Variants in SEMA6D observed in about 807,000 individuals in gnomAD.
The protein encoded by SEMA6D is semaphorin 6D.
In SEMA6D, 35 loss-of-function variants were observed where a neutral mutation model predicts 106.6. The ratio of observed to expected loss-of-function variants is 0.33; its 90% CI spans 0.25 to 0.44. The LOEUF (loss-of-function observed/expected upper bound fraction) is 0.44, where lower values mean the gene tolerates loss of function less well. Among genes scored for constraint, SEMA6D ranks in the 20% least tolerant of loss-of-function variants. SEMA6D has a pLI of 1.00. For missense variants in SEMA6D, 1,185 were observed against 1,345.9 expected (o/e 0.88, Z 1.87); for synonymous variants, 499 against 487.7 (o/e 1.02, Z -0.31).
At chr15:47,537,140 A>G (rs575415118) in intron 3 of SEMA6D, among the ~76,000 whole-genome samples, 2 of 152,348 alleles carry the variant, frequency 1.3e-5, no homozygotes, top group African/African-American at 4.8e-5. Flanking sequence ...TGGAAAAATC[A>G]CAATAAATAA....
intron 1 of SEMA6D, among the ~76,000 whole-genome samples, chr15:47,275,760 A>G (rs575266944): frequency 6.6e-6 from 1 of 152,250 alleles, no homozygotes; most frequent in South Asian, 2.1e-4. Context: ...TATTCAAGTG[A>G]TAGGAAAAGT....
intron 4 of SEMA6D, among the ~76,000 whole-genome samples, chr15:47,667,639 C>T (rs756826444): frequency 6.6e-6 from 1 of 152,116 alleles, no homozygotes; most frequent in East Asian, 1.9e-4. Context: ...ACTTGATGTC[C>T]GGTGAGAGTG....
chr15:47,194,995 CCTA>C (rs1377141869), intron 1 of SEMA6D, among the ~76,000 whole-genome samples: 1 of 152,112 alleles, frequency 6.6e-6, no homozygotes, highest in African/African-American at 2.4e-5. Flanking sequence ...GCATTACCTG[CCTA>C]CTAAGTTTTC....
chr15:47,466,252 G>A (rs1298940783), intron 2 of SEMA6D, among the ~76,000 whole-genome samples: 1 of 152,112 alleles, frequency 6.6e-6, no homozygotes, highest in Non-Finnish European at 1.5e-5. Context: ...TATATTGGAT[G>A]TTCAGAACTT....
At position 47,562,192 on chromosome 15, in the gene SEMA6D, A is replaced by G. The variant is rs77353807; in HGVS notation, c.-86-38673A>G. 6.1e-3 allele frequency among the ~76,000 whole-genome samples: 930 copies of G among 152,196 alleles called. 10 individuals are homozygous for G. Among genetic ancestry groups the G allele is most frequent in the African/African-American group, 0.021 (894 of 41,582 alleles). On this transcript the variant is annotated intron_variant, in intron 3 of 19. Coordinates refer to the SEMA6D transcript ENST00000558014. The stretch of plus-strand genomic sequence containing the variant: ...CAGCAGCACAAAAGTAATTTAACAG[A>G]GAAGGCATAGTCTTTTCAACAAGTA...
At chr15:47,691,351 G>T (rs2078582455) in intron 4 of SEMA6D, among the ~76,000 whole-genome samples, 1 of 151,918 alleles carries the variant, frequency 6.6e-6, no homozygotes, top group African/African-American at 2.4e-5. Flanking sequence ...TTTCTCCTTT[G>T]GATCTACATT....
At chr15:47,590,641 A>G (rs567003951) in intron 3 of SEMA6D, among the ~76,000 whole-genome samples, 7 of 150,170 alleles carry the variant, frequency 4.7e-5, no homozygotes, top group African/African-American at 1.7e-4. Context: ...TGTAAATACC[A>G]TATGACTGGC....
intron 3 of SEMA6D, among the ~76,000 whole-genome samples, chr15:47,520,365 A>T (rs2044533057): frequency 6.6e-6 from 1 of 152,236 alleles, no homozygotes; most frequent in African/African-American, 2.4e-5. Flanking sequence ...AGGAATAGGA[A>T]TCAGGTCCCC....
intron 2 of SEMA6D, among the ~76,000 whole-genome samples, chr15:47,455,806 C>T (rs1351104234): frequency 6.6e-6 from 1 of 151,930 alleles, no homozygotes; most frequent in Admixed American, 6.6e-5. Context: ...TTCAGGAATG[C>T]TTACTTGCCC....
In SEMA6D at chr15:47,762,267, G is replaced by A. The variant is rs1209689244; in HGVS notation, c.606G>A (p.Met202Ile). 3 of 1,613,582 alleles carry A rather than the reference G, an allele frequency of 1.9e-6. No individual in the cohort carries two copies. Among genetic ancestry groups the A allele is most frequent in the Non-Finnish European group, 2.5e-6 (3 of 1,179,662 alleles). ...LASDAVIYRS[M>I]GDGSALRTIK... is the part of the protein sequence containing the mutation. ...GCGATGCCGTTATTTATCGAAGCATGGGTGATGGATCTGCCCTTCGCACAA... is the reference window on the plus strand; with the variant it reads ...GCGATGCCGTTATTTATCGAAGCATAGGTGATGGATCTGCCCTTCGCACAA... Residue 202 changes from methionine to isoleucine, a missense_variant, in exon 8 of 19, where the codon ATG (methionine) becomes ATA (isoleucine). Physicochemically the swap from Met to Ile is conservative, Grantham distance 10. Transcript: ENST00000536845.
chr15:47,749,446 A>G (rs1218705850), intron 1 of SEMA6D, among the ~76,000 whole-genome samples: 1 of 152,078 alleles, frequency 6.6e-6, no homozygotes, highest in Non-Finnish European at 1.5e-5. Flanking sequence ...TATCTCATTC[A>G]GTAATCGTAA....
intron 4 of SEMA6D, among the ~76,000 whole-genome samples, chr15:47,661,478 A>AG (rs35723370): frequency 1.3e-5 from 2 of 152,300 alleles, no homozygotes; most frequent in East Asian, 3.9e-4. Flanking sequence ...TTTCTGGGTG[A>AG]GGGGTGAAGC....
intron 1 of SEMA6D, among the ~76,000 whole-genome samples, chr15:47,328,410 G>A (rs1027708691): frequency 6.6e-6 from 1 of 152,164 alleles, no homozygotes; most frequent in African/African-American, 2.4e-5. Flanking sequence ...TAATTATGCT[G>A]TTGGGCAGTT....
At chr15:47,716,440 T>G (rs544572271), upstream of SEMA6D, among the ~76,000 whole-genome samples, 1 of 152,334 alleles carries the variant, frequency 6.6e-6, no homozygotes, top group South Asian at 2.1e-4. Context: ...AAGGAAGTCC[T>G]TTCTGCGCCC....
intron 4 of SEMA6D, among the ~76,000 whole-genome samples, chr15:47,665,746 G>C (rs1219194946): frequency 1.3e-5 from 2 of 152,202 alleles, no homozygotes; most frequent in Admixed American, 1.3e-4. Context: ...GGAGGTGGAG[G>C]TTGCAGTGAG....
chr15:47,497,634 TC>T (rs1400184350), intron 3 of SEMA6D, among the ~76,000 whole-genome samples: 2 of 152,114 alleles, frequency 1.3e-5, no homozygotes, highest in African/African-American at 4.8e-5. Context: ...TGCCTCAGTC[TC>T]CTTACACAGC....
intron 1 of SEMA6D, among the ~76,000 whole-genome samples, chr15:47,199,347 T>A (rs1013752558): frequency 1.3e-5 from 2 of 152,110 alleles, no homozygotes; most frequent in Non-Finnish European, 2.9e-5. Flanking sequence ...TCCAGCAAAG[T>A]GTTTTGCTGA....
At chr15:47,657,973 C>T (rs1424154823) in intron 4 of SEMA6D, among the ~76,000 whole-genome samples, 1 of 151,644 alleles carries the variant, frequency 6.6e-6, no homozygotes, top group Non-Finnish European at 1.5e-5. Context: ...ATCTCCTGAC[C>T]TCATGATCCG....
At chr15:47,554,681 A>T (rs1350859889) in intron 3 of SEMA6D, among the ~76,000 whole-genome samples, 1 of 152,196 alleles carries the variant, frequency 6.6e-6, no homozygotes, top group Non-Finnish European at 1.5e-5. Context: ...ATGAACAATG[A>T]TGTTACATGG....
Sources: allele counts gnomAD v4.1 joint callset (sites outside exome capture counted in the v4.1 genomes callset), GRCh38; gene constraint gnomAD v4.1.1; transcripts MANE v1.5; gene names NCBI Gene and HGNC (gene_info 2026-07-23, HGNC 2026-07-21).